SPECC1: variants seen among roughly 807,000 people sequenced by gnomAD.
SPECC1 encodes cytospin-B.
A neutral mutation model predicts 104.1 loss-of-function variants in SPECC1; 62 were observed. That is an observed-to-expected ratio of 0.60 (90% CI 0.49 to 0.74). SPECC1 has a LOEUF of 0.74. Among genes scored for constraint, SPECC1 ranks in the 30% least tolerant of loss-of-function variants. The pLI is 0.00. For synonymous variants in SPECC1, 513 were observed against 501.6 expected (o/e 1.02, Z -0.30); for missense variants, 1,306 against 1,310.5 (o/e 1.00, Z 0.05).
At chr17:20,117,895 A>G (rs1048110126) in intron 3 of SPECC1, among the ~76,000 whole-genome samples, 1 of 152,000 alleles carries the variant, frequency 6.6e-6, no homozygotes, top group Non-Finnish European at 1.5e-5. Flanking sequence ...GCTTGAGCCC[A>G]GGAGTTCGAG....
At chr17:20,169,225 G>A (rs191795248) in intron 3 of SPECC1, among the ~76,000 whole-genome samples, 39 of 152,262 alleles carry the variant, frequency 2.6e-4, no homozygotes, top group South Asian at 4.1e-4. Context: ...TAAAACCTGA[G>A]GAAGAAATAA....
At chr17:20,185,607 A>T (rs943361808) in intron 3 of SPECC1, among the ~76,000 whole-genome samples, 12 of 152,144 alleles carry the variant, frequency 7.9e-5, no homozygotes, top group Admixed American at 7.8e-4. Flanking sequence ...GGTTGTGTTA[A>T]GTGATGAGGT....
intron 9 of SPECC1, among the ~76,000 whole-genome samples, chr17:20,247,603 AAATG>A (rs1374724543): frequency 2.0e-5 from 3 of 152,258 alleles, no homozygotes; most frequent in Non-Finnish European, 2.9e-5. Flanking sequence ...AATAAATATT[AAATG>A]AATGAAGGAA....
chr17:20,203,236 T>A (rs2151338308), intron 3 of SPECC1, among the ~76,000 whole-genome samples: 1 of 150,034 alleles, frequency 6.7e-6, no homozygotes, highest in Admixed American at 6.7e-5. Context: ...GTTGTGTAAG[T>A]GACAGCAGCC....
intron 3 of SPECC1, among the ~76,000 whole-genome samples, chr17:20,190,493 C>G (rs2035592564): frequency 6.6e-6 from 1 of 152,002 alleles, no homozygotes; most frequent in African/African-American, 2.4e-5. Flanking sequence ...AATAAACACT[C>G]TTTTTTAAAG....
intron 1 of SPECC1, among the ~76,000 whole-genome samples, chr17:20,047,438 A>G (rs2045580945): frequency 6.6e-6 from 1 of 152,032 alleles, no homozygotes; most frequent in Non-Finnish European, 1.5e-5. Context: ...GACTCTACTG[A>G]TTTTTCTTGG....
At chr17:20,062,095 TA>T (rs1482324883) in intron 1 of SPECC1, among the ~76,000 whole-genome samples, 2 of 151,186 alleles carry the variant, frequency 1.3e-5, no homozygotes, top group Middle Eastern at 3.4e-3. Context: ...GCTAAAAAAA[TA>T]CAAAAAATTA....
At chr17:20,129,504 T>C (rs1201406442) in intron 3 of SPECC1, among the ~76,000 whole-genome samples, 1 of 152,002 alleles carries the variant, frequency 6.6e-6, no homozygotes, top group Non-Finnish European at 1.5e-5. Flanking sequence ...CTTTTTTTTT[T>C]AGCTGTTGAA....
chr17:20,232,448 C>G (rs1402363743), intron 7 of SPECC1, 43 bp downstream of exon 7: 3 of 1,558,072 alleles, frequency 1.9e-6, no homozygotes, highest in African/African-American at 2.7e-5. Flanking sequence ...TTCTCAATCA[C>G]TATGTATGGG....
chr17:20,134,604 AT>A (rs1298965872), intron 3 of SPECC1, among the ~76,000 whole-genome samples: 1 of 152,098 alleles, frequency 6.6e-6, no homozygotes, highest in Non-Finnish European at 1.5e-5. Context: ...GGTACTTCTT[AT>A]TGCTTAGGAA....
At chr17:20,300,819 G>C (rs534871930) in intron 13 of SPECC1, among the ~76,000 whole-genome samples, 150 of 152,330 alleles carry the variant, frequency 9.8e-4, no homozygotes, top group Non-Finnish European at 2.9e-4. Context: ...GACCACCAGG[G>C]AGTGTGTAAG....
At chr17:20,218,047 C>T (rs959397286) in intron 4 of SPECC1, among the ~76,000 whole-genome samples, 7 of 152,160 alleles carry the variant, frequency 4.6e-5, no homozygotes, top group African/African-American at 1.7e-4. Context: ...TCCAAAAAAA[C>T]TAAAAAATAG....
chr17:20,232,242 A>G lies in SPECC1; in HGVS notation c.2188A>G (p.Thr730Ala), dbSNP rs201019763. 4.0e-4 allele frequency: 649 copies of G among 1,614,166 alleles called. 3 individuals carry two copies. The highest frequency in any genetic ancestry group is 4.7e-5 in the Non-Finnish European group (56 of 1,180,038). ...GAGGCGGTTCCAGGCGGATCTGCAG[A>G]CCGCAGTGGTGGTGGCCAATGACAT... is the stretch of plus-strand genomic sequence containing the variant. Reference protein sequence around the residue: ...EWRRFQADLQTAVVVANDIKC... With the variant: ...EWRRFQADLQAAVVVANDIKC... The change falls in exon 7 of 15, where the codon ACC (threonine) becomes GCC (alanine). Residue 730 changes from threonine to alanine, a missense_variant. Around this residue, in one of 2 missense-constraint regions of SPECC1, gnomAD observed 1,177 missense variants for 1,139.9 expected, o/e 1.03. Coordinates refer to ENST00000395527, the MANE Select transcript of SPECC1 (RefSeq NM_001243439.2).
chr17:20,013,289 G>A (rs939064838), intron 1 of SPECC1, among the ~76,000 whole-genome samples: 4 of 152,110 alleles, frequency 2.6e-5, no homozygotes, highest in Non-Finnish European at 4.4e-5. Flanking sequence ...AGTGTTTTCC[G>A]CAGAGGCTGA....
intron 5 of SPECC1, among the ~76,000 whole-genome samples, chr17:20,231,449 G>C (rs1219475482): frequency 6.6e-6 from 1 of 152,202 alleles, no homozygotes; most frequent in Non-Finnish European, 1.5e-5. Context: ...ATGCAAGTGT[G>C]CATGGCCATG....
At chr17:20,079,442 G>A (rs2046882336) in intron 1 of SPECC1, among the ~76,000 whole-genome samples, 1 of 152,094 alleles carries the variant, frequency 6.6e-6, no homozygotes, top group African/African-American at 2.4e-5. Context: ...TGGGACTACA[G>A]GTGTGCACCA....
At chr17:20,251,602 T>C (rs1393847196) in intron 9 of SPECC1, among the ~76,000 whole-genome samples, 1 of 152,216 alleles carries the variant, frequency 6.6e-6, no homozygotes, top group Non-Finnish European at 1.5e-5. Flanking sequence ...GAGAAAATAA[T>C]GTTCTGGAAA....
At chr17:20,115,278 G>T (rs554839256) in intron 3 of SPECC1, among the ~76,000 whole-genome samples, 6 of 152,238 alleles carry the variant, frequency 3.9e-5, no homozygotes, top group Non-Finnish European at 8.8e-5. Context: ...ATCAAGACTA[G>T]CCTGGCCAAC....
At chr17:20,180,790 G>A (rs1450043534) in intron 3 of SPECC1, among the ~76,000 whole-genome samples, 1 of 152,088 alleles carries the variant, frequency 6.6e-6, no homozygotes, top group Non-Finnish European at 1.5e-5. Flanking sequence ...AAGTATAGAG[G>A]TTAGAAACAA....
Sources: allele counts gnomAD v4.1 joint callset (sites outside exome capture counted in the v4.1 genomes callset), GRCh38; gene constraint gnomAD v4.1.1; regional missense constraint gnomAD v4.1.1; transcripts MANE v1.5; gene names NCBI Gene and HGNC (gene_info 2026-07-23, HGNC 2026-07-21).